MAGI2: variants seen among roughly 807,000 people sequenced by gnomAD.
MAGI2 encodes the protein membrane-associated guanylate kinase, WW and PDZ domain-containing protein 2.
In MAGI2, 35 loss-of-function variants were observed where a neutral mutation model predicts 133.3. The observed-to-expected ratio is 0.26, with a 90% CI of 0.20 to 0.35. The LOEUF (loss-of-function observed/expected upper bound fraction) is 0.35. Ranked by LOEUF, MAGI2 falls within the 10% of genes least tolerant of loss-of-function variation. MAGI2 has a pLI of 1.00. For missense variants in MAGI2, 1,636 were observed against 1,863.4 expected (o/e 0.88, Z 2.25); for synonymous variants, 729 against 710.6 (o/e 1.03, Z -0.41).
chr7:78,852,737 T>C (rs1793251652), intron 2 of MAGI2, among the ~76,000 whole-genome samples: 2 of 152,264 alleles, frequency 1.3e-5, no homozygotes, highest in South Asian at 4.1e-4. Context: ...CCCTAAATGA[T>C]GCTTAGCCCT....
intron 6 of MAGI2, among the ~76,000 whole-genome samples, chr7:78,478,083 C>A (rs1020441437): frequency 1.3e-5 from 2 of 151,740 alleles, no homozygotes; most frequent in Non-Finnish European, 2.9e-5. Flanking sequence ...AGCTCCCTAT[C>A]CCCCAACAGG....
chr7:78,743,185 T>G lies in MAGI2; in HGVS notation c.419-115946A>C, dbSNP rs6946747. On this transcript the variant is annotated intron_variant, in intron 2 of 21. Coordinates refer to ENST00000354212, the MANE Select transcript of MAGI2 (RefSeq NM_012301.4). Reference sequence around the variant, plus strand: ...CAGGAATAGTAACTAGAACATCCCCTCCTCTACTAGAACCCTATAGAGATA... The same window carrying G: ...CAGGAATAGTAACTAGAACATCCCCGCCTCTACTAGAACCCTATAGAGATA... Among the ~76,000 whole-genome samples the G allele has an allele frequency of 5.5e-4, 83 of 152,236 alleles. 1 individual carries two copies. Among genetic ancestry groups the G allele is most frequent in the African/African-American group, 2.0e-3 (81 of 41,534 alleles).
intron 2 of MAGI2, among the ~76,000 whole-genome samples, chr7:78,907,551 C>G (rs995168074): frequency 6.6e-6 from 1 of 152,074 alleles, no homozygotes; most frequent in Non-Finnish European, 1.5e-5. Context: ...TTTTTCTAGT[C>G]AAACCTTGTT....
chr7:79,270,600 A>G (rs180893676), intron 1 of MAGI2, among the ~76,000 whole-genome samples: 1 of 152,286 alleles, frequency 6.6e-6, no homozygotes, highest in African/African-American at 2.4e-5. Context: ...GGAAATTTTC[A>G]GAAGAATGAC....
chr7:79,021,307 C>T (rs375003003), intron 1 of MAGI2, among the ~76,000 whole-genome samples: 57 of 152,222 alleles, frequency 3.7e-4, no homozygotes, highest in Middle Eastern at 6.8e-3. Context: ...GGACCACCAT[C>T]CTTCAGACCC....
intron 3 of MAGI2, among the ~76,000 whole-genome samples, chr7:78,543,916 A>G (rs985576280): frequency 6.6e-6 from 1 of 152,238 alleles, no homozygotes; most frequent in African/African-American, 2.4e-5. Flanking sequence ...GTTTTATGCT[A>G]ATCATTCTAA....
chr7:78,483,570 G>T (rs1792653598), intron 6 of MAGI2, among the ~76,000 whole-genome samples: 1 of 151,026 alleles, frequency 6.6e-6, no homozygotes. Flanking sequence ...CCCAAAATTT[G>T]GTACTGGTGC....
chr7:78,627,041 C>G, intron 3 of MAGI2, 79 bp downstream of exon 3: 1 of 1,418,118 alleles, frequency 7.1e-7, no homozygotes, highest in Non-Finnish European at 9.3e-7. Flanking sequence ...CATTAGTAAC[C>G]TGGTGTCCCC....
intron 1 of MAGI2, among the ~76,000 whole-genome samples, chr7:79,151,755 G>A (rs776509652): frequency 6.8e-4 from 103 of 152,090 alleles, no homozygotes; most frequent in Non-Finnish European, 1.3e-3. Context: ...ATGAGAACAA[G>A]GTGTTTGTGG....
intron 15 of MAGI2, among the ~76,000 whole-genome samples, chr7:78,160,935 T>C (rs550735079): frequency 6.6e-6 from 1 of 152,350 alleles, no homozygotes; most frequent in Admixed American, 6.5e-5. Context: ...GTGGAAAATA[T>C]ACTTCTTAAA....
Position 78,547,485 on chromosome 7 carries a change from C to T in MAGI2, c.539-25840G>A, listed in dbSNP as rs951196122. The stretch of plus-strand genomic sequence containing the variant: ...CTAGACTTTATAAATGGTTATTTGA[C>T]AACAATTTGTATTCATTCATTCATT... On this transcript the variant is annotated intron_variant, in intron 3 of 21. Coordinates refer to ENST00000354212, the MANE Select transcript of MAGI2 (RefSeq NM_012301.4). 2.6e-5 allele frequency among the ~76,000 whole-genome samples: 4 copies of T among 152,198 alleles called. No individual in the cohort carries two copies. In the South Asian group the frequency reaches 8.3e-4, roughly 32 times the overall value.
chr7:78,097,315 A>G (rs1343780629), intron 20 of MAGI2, among the ~76,000 whole-genome samples: 1 of 152,212 alleles, frequency 6.6e-6, no homozygotes, highest in Non-Finnish European at 1.5e-5. Flanking sequence ...ATTACTGGGT[A>G]TGTACTCAGA....
intron 1 of MAGI2, among the ~76,000 whole-genome samples, chr7:79,405,365 A>C (rs1196940293): frequency 6.6e-6 from 1 of 152,150 alleles, no homozygotes; most frequent in Non-Finnish European, 1.5e-5. Context: ...CCTTCTCTGC[A>C]TGTCAAAATT....
At chr7:79,435,289 A>G (rs1288762035) in intron 1 of MAGI2, among the ~76,000 whole-genome samples, 1 of 152,220 alleles carries the variant, frequency 6.6e-6, no homozygotes, top group East Asian at 1.9e-4. Flanking sequence ...CATTCTACAT[A>G]TTTTAAGGCA....
intron 2 of MAGI2, among the ~76,000 whole-genome samples, chr7:79,004,980 G>T (rs551256348): frequency 3.8e-4 from 58 of 152,066 alleles, no homozygotes; most frequent in African/African-American, 1.3e-3. Flanking sequence ...TACTCAGGAG[G>T]CTGGGGCAGG....
intron 6 of MAGI2, among the ~76,000 whole-genome samples, chr7:78,475,168 T>C (rs181573326): frequency 5.3e-4 from 81 of 152,088 alleles, no homozygotes; most frequent in Middle Eastern, 3.4e-3. Flanking sequence ...GTATGCTTTT[T>C]AAATGGGAAC....
At chr7:79,122,773 C>A (rs1001578661) in intron 1 of MAGI2, among the ~76,000 whole-genome samples, 6 of 151,830 alleles carry the variant, frequency 4.0e-5, no homozygotes, top group Non-Finnish European at 8.8e-5. Context: ...GCCACTGCAA[C>A]CTCCACCTCC....
chr7:78,023,117 C>G (rs1002681511), intron 21 of MAGI2, among the ~76,000 whole-genome samples: 1 of 152,088 alleles, frequency 6.6e-6, no homozygotes, highest in South Asian at 2.1e-4. Context: ...GCTCCAGGCA[C>G]GAGCCTGCAA....
At chr7:78,136,164 G>C (rs1428693853) in intron 16 of MAGI2, among the ~76,000 whole-genome samples, 1 of 150,582 alleles carries the variant, frequency 6.6e-6, no homozygotes, top group Non-Finnish European at 1.5e-5. Flanking sequence ...CGCCCAGGCT[G>C]GAGTGCAGTG....
Sources: allele counts gnomAD v4.1 joint callset (sites outside exome capture counted in the v4.1 genomes callset), GRCh38; gene constraint gnomAD v4.1.1; transcripts MANE v1.5; gene names NCBI Gene and HGNC (gene_info 2026-07-23, HGNC 2026-07-21).